The following RBFOX1 variants were observed in gnomAD, a reference collection of about 807,000 sequenced individuals.
RBFOX1 encodes the protein RNA binding protein fox-1 homolog 1.
RBFOX1 carries 8 observed loss-of-function variants against 57.7 expected under a neutral mutation model. The ratio of observed to expected loss-of-function variants is 0.14; its 90% CI spans 0.08 to 0.25. The LOEUF is 0.25. RBFOX1 is among the 10% of genes least tolerant of loss of function. RBFOX1 has a pLI of 1.00. For missense variants in RBFOX1, 611 were observed against 548.5 expected (o/e 1.11, Z -1.14); for synonymous variants, 326 against 222.4 (o/e 1.47, Z -4.15).
intron 2 of RBFOX1, among the ~76,000 whole-genome samples, chr16:6,391,305 C>G (rs990275095): frequency 6.6e-6 from 1 of 152,026 alleles, no homozygotes; most frequent in African/African-American, 2.4e-5. Context: ...GTCAGGAGAT[C>G]CAGACCATCC....
chr16:6,056,068 G>A (rs1246664801), intron 1 of RBFOX1, among the ~76,000 whole-genome samples: 2 of 152,166 alleles, frequency 1.3e-5, no homozygotes, highest in Non-Finnish European at 2.9e-5. Context: ...GGCAAAGTGG[G>A]TAGTTTGGGT....
At chr16:6,566,550 G>C (rs1182853128) in intron 2 of RBFOX1, among the ~76,000 whole-genome samples, 1 of 151,948 alleles carries the variant, frequency 6.6e-6, no homozygotes, top group Admixed American at 6.6e-5. Flanking sequence ...CTTATCCCTT[G>C]ACTATTTGTC....
chr16:7,037,041 A>G (rs1220641734), intron 3 of RBFOX1, among the ~76,000 whole-genome samples: 1 of 152,098 alleles, frequency 6.6e-6, no homozygotes, highest in East Asian at 1.9e-4. Flanking sequence ...TGTGGCAGTG[A>G]GGACAACCAG....
At chr16:6,072,642 T>C (rs1203456176) in intron 1 of RBFOX1, among the ~76,000 whole-genome samples, 1 of 152,140 alleles carries the variant, frequency 6.6e-6, no homozygotes, top group Admixed American at 6.6e-5. Context: ...TTTTTCATTT[T>C]TTTGATAATA....
chr16:6,023,174 ACT>A (rs1316509560), intron 1 of RBFOX1, among the ~76,000 whole-genome samples: 3 of 152,004 alleles, frequency 2.0e-5, no homozygotes, highest in African/African-American at 7.3e-5. Context: ...AGAGTTTTCC[ACT>A]CAGAAATGAA....
intron 1 of RBFOX1, among the ~76,000 whole-genome samples, chr16:6,204,896 AC>A (rs2097243748): frequency 6.6e-6 from 1 of 152,200 alleles, no homozygotes; most frequent in Non-Finnish European, 1.5e-5. Context: ...GCATAAATGC[AC>A]GATAACACAC....
intron 4 of RBFOX1, among the ~76,000 whole-genome samples, chr16:7,353,020 C>T (rs560886989): frequency 1.3e-5 from 2 of 152,202 alleles, no homozygotes; most frequent in African/African-American, 2.4e-5. Context: ...CCAGCCCATA[C>T]CACTTTTCCA....
intron 1 of RBFOX1, among the ~76,000 whole-genome samples, chr16:6,122,608 G>A (rs1303551966): frequency 1.3e-5 from 2 of 152,064 alleles, no homozygotes; most frequent in African/African-American, 2.4e-5. Context: ...TGTGACACCC[G>A]CTCCCCATTA....
intron 4 of RBFOX1, among the ~76,000 whole-genome samples, chr16:7,093,988 A>G (rs2061288507): frequency 6.6e-6 from 1 of 151,716 alleles, no homozygotes. Flanking sequence ...ATTAATAAAA[A>G]CAATGATGTT....
intron 4 of RBFOX1, among the ~76,000 whole-genome samples, chr16:5,948,120 T>C (rs1306049462): frequency 1.3e-5 from 2 of 151,950 alleles, no homozygotes; most frequent in Non-Finnish European, 2.9e-5. Flanking sequence ...GGAAGTGCAG[T>C]TGAAACAGGA....
intron 3 of RBFOX1, among the ~76,000 whole-genome samples, chr16:7,023,594 A>AAAAAAAAAAAAAAAAAAT (rs2039981049): frequency 6.8e-6 from 1 of 146,738 alleles, no homozygotes. Flanking sequence ...AAAAAAAAAA[A>AAAAAAAAAAAAAAAAAAT]TTAGCTTGCC....
intron 14 of RBFOX1, among the ~76,000 whole-genome samples, chr16:7,705,652 C>T (rs62011895): frequency 0.053 from 8,115 of 152,138 alleles, 333 homozygotes; most frequent in East Asian, 0.22. Flanking sequence ...GGGTTTTAAG[C>T]GGGGAGTCAT....
intron 1 of RBFOX1, among the ~76,000 whole-genome samples, chr16:6,180,928 C>A (rs1488046918): frequency 6.6e-6 from 1 of 152,076 alleles, no homozygotes; most frequent in African/African-American, 2.4e-5. Context: ...TAAAGACCAG[C>A]CAAAAATCAG....
At chr16:6,608,252 A>G (rs1601393719) in intron 2 of RBFOX1, among the ~76,000 whole-genome samples, 1 of 152,188 alleles carries the variant, frequency 6.6e-6, no homozygotes, top group Non-Finnish European at 1.5e-5. Flanking sequence ...ATAATCATTA[A>G]TAGATACCTG....
intron 2 of RBFOX1, among the ~76,000 whole-genome samples, chr16:6,447,355 G>A (rs979451696): frequency 6.6e-6 from 1 of 152,184 alleles, no homozygotes; most frequent in Non-Finnish European, 1.5e-5. Flanking sequence ...GATCCCTCAA[G>A]ACCAACAATT....
Position 5,425,091 on chromosome 16 carries a change from A to G in RBFOX1, c.220-42125A>G, listed in dbSNP as rs537260751. On this transcript the variant is annotated intron_variant, in intron 1 of 2. Transcript: ENST00000585867. ...TATCTATCTATCTATCTATCTATCT[A>G]TCTATCTATCTATCTATCTATCTAT... 2.0e-4 allele frequency among the ~76,000 whole-genome samples: 27 copies of G among 136,262 alleles called. No individual in the cohort carries two copies. The South Asian group carries it at 2.3e-3, about 12-fold the overall frequency. 89.4% of individuals were successfully genotyped at this position (136,262 alleles called of 152,430 possible).
At chr16:6,735,354 C>G (rs72764974) in intron 3 of RBFOX1, among the ~76,000 whole-genome samples, 1 of 152,156 alleles carries the variant, frequency 6.6e-6, no homozygotes, top group African/African-American at 2.4e-5. Flanking sequence ...GTGCCGTCAG[C>G]TAGGGAGCTT....
intron 4 of RBFOX1, among the ~76,000 whole-genome samples, chr16:7,298,365 C>A (rs781614855): frequency 6.7e-6 from 1 of 150,180 alleles, no homozygotes; most frequent in African/African-American, 2.5e-5. Context: ...CTCAGCCTAC[C>A]GCAGCCTCCG....
At position 7,666,061 on chromosome 16, in the gene RBFOX1, C is replaced by G. The variant is rs553056216; in HGVS notation, c.930+1093C>G. On this transcript the variant is annotated intron_variant, in intron 13 of 15. Coordinates refer to ENST00000550418, the MANE Select transcript of RBFOX1 (RefSeq NM_018723.4). ...CATATGTCCTAATTCACTCAGTGATCAATTTTCTTCTTTTTTGTGGAACTT... is the reference window on the plus strand; with the variant it reads ...CATATGTCCTAATTCACTCAGTGATGAATTTTCTTCTTTTTTGTGGAACTT... Among the ~76,000 whole-genome samples the G allele has an allele frequency of 2.6e-5, 4 of 152,238 alleles. No individual in the cohort carries two copies. In the South Asian group the frequency reaches 8.3e-4, roughly 32 times the overall value.
Sources: allele counts gnomAD v4.1 joint callset (sites outside exome capture counted in the v4.1 genomes callset), GRCh38; gene constraint gnomAD v4.1.1; transcripts MANE v1.5; gene names NCBI Gene and HGNC (gene_info 2026-07-23, HGNC 2026-07-21).